LHFPL2: variants seen among roughly 807,000 people sequenced by gnomAD.
The protein encoded by LHFPL2 is LHFPL tetraspan subfamily member 2.
In LHFPL2, 7 loss-of-function variants were observed where a neutral mutation model predicts 17.5. The ratio of observed to expected loss-of-function variants is 0.40; its 90% confidence interval spans 0.23 to 0.75. The LOEUF is 0.75. LHFPL2 is among the 30% of genes least tolerant of loss of function. LHFPL2 has a pLI of 0.37. For missense variants in LHFPL2, 241 were observed against 294.8 expected (o/e 0.82, Z 1.34); for synonymous variants, 134 against 116.2 (o/e 1.15, Z -0.99).
intron 4 of LHFPL2, among the ~76,000 whole-genome samples, chr5:78,504,738 G>A (rs1459120486): frequency 1.3e-5 from 2 of 152,114 alleles, no homozygotes; most frequent in African/African-American, 4.8e-5. Flanking sequence ...CAAGAAGGCT[G>A]AGCCTGCATA....
chr5:78,576,611 G>A (rs1266093221), intron 2 of LHFPL2, among the ~76,000 whole-genome samples: 2 of 152,218 alleles, frequency 1.3e-5, no homozygotes, highest in African/African-American at 4.8e-5. Context: ...AGGCCCCAGG[G>A]ACACTGGAAA....
At chr5:78,562,147 C>T (rs773173701) in intron 3 of LHFPL2, among the ~76,000 whole-genome samples, 3 of 152,214 alleles carry the variant, frequency 2.0e-5, no homozygotes, top group Non-Finnish European at 2.9e-5. Flanking sequence ...CTGTTTACTA[C>T]GTATCACACG....
At chr5:78,536,666 A>G (rs1755958836) in intron 3 of LHFPL2, among the ~76,000 whole-genome samples, 1 of 152,190 alleles carries the variant, frequency 6.6e-6, no homozygotes, top group Non-Finnish European at 1.5e-5. Flanking sequence ...TTCATCAGCT[A>G]GCTCAGGGCT....
chr5:78,552,544 C>T (rs1178614027), intron 3 of LHFPL2, among the ~76,000 whole-genome samples: 1 of 152,210 alleles, frequency 6.6e-6, no homozygotes, highest in African/African-American at 2.4e-5. Flanking sequence ...AAACCTGATG[C>T]CAACTTATTC....
intron 2 of LHFPL2, among the ~76,000 whole-genome samples, chr5:78,611,812 T>G (rs1744432235): frequency 6.6e-6 from 1 of 152,150 alleles, no homozygotes; most frequent in Non-Finnish European, 1.5e-5. Context: ...AGCACAAACT[T>G]TTTTTACAGA....
intron 3 of LHFPL2, among the ~76,000 whole-genome samples, chr5:78,525,115 C>T (rs1755578533): frequency 1.3e-5 from 2 of 152,210 alleles, no homozygotes; most frequent in African/African-American, 4.8e-5. Flanking sequence ...AGCGCGCTCT[C>T]AGTCGTGGCC....
intron 4 of LHFPL2, among the ~76,000 whole-genome samples, chr5:78,496,075 C>CACCTCCA (rs1293415546): frequency 1.3e-5 from 2 of 152,178 alleles, no homozygotes; most frequent in Non-Finnish European, 2.9e-5. Flanking sequence ...GTTGTGTTCC[C>CACCTCCA]ACCTCCAACG....
rs532891071 is a variant in LHFPL2 at position 78,576,202 on chromosome 5, G to A, written c.-244-11331C>T. 3.3e-5 allele frequency among the ~76,000 whole-genome samples: 5 copies of A among 152,248 alleles called. No homozygotes were observed. In the South Asian group the frequency reaches 6.2e-4, roughly 19 times the overall value. ...CCCAGCTACTCCGGAGGCTGAGGCA[G>A]GAGAATGGCGTGAGCCCGGGAGGCG... On this transcript the variant is annotated intron_variant, in intron 2 of 4. Coordinates refer to ENST00000380345, the MANE Select transcript of LHFPL2 (RefSeq NM_005779.3).
In LHFPL2 at chr5:78,582,498, T is replaced by C. The variant is rs1310221452; in HGVS notation, c.-244-17627A>G. ...CTGGTATGTTGTGTCTTTGTTCTCG[T>C]TGGTTTCAAAGAACATCTTTATTTG... On this transcript the variant is annotated intron_variant, in intron 2 of 4. Coordinates refer to ENST00000380345, the MANE Select transcript of LHFPL2 (RefSeq NM_005779.3). 9.2e-5 allele frequency among the ~76,000 whole-genome samples: 14 copies of C among 151,602 alleles called. No homozygotes were observed. The East Asian group carries it at 1.4e-3, about 15-fold the overall frequency.
chr5:78,545,623 C>A lies in LHFPL2; in HGVS notation c.-186+19190G>T, dbSNP rs570945552. On this transcript the variant is annotated intron_variant, in intron 3 of 4. Transcript: ENST00000380345. ...AAAGACTTGGTGTGATGCGTGGAGG[C>A]CGATCATTCGAGCCACCTGGATGTG... Among the ~76,000 whole-genome samples, 4 of 152,312 alleles carry A rather than the reference C, an allele frequency of 2.6e-5. No homozygotes were observed. The East Asian group carries it at 7.7e-4, about 29-fold the overall frequency.
chr5:78,597,494 G>A (rs1743865824), intron 2 of LHFPL2, among the ~76,000 whole-genome samples: 1 of 152,176 alleles, frequency 6.6e-6, no homozygotes, highest in South Asian at 2.1e-4. Context: ...GTGTGTCTCA[G>A]AGTAGAATGA....
chr5:78,506,984 C>T (rs1754951457), intron 4 of LHFPL2, among the ~76,000 whole-genome samples: 2 of 152,196 alleles, frequency 1.3e-5, no homozygotes, highest in South Asian at 4.1e-4. Context: ...GCTCCCACTT[C>T]TTTCTCCTCA....
chr5:78,530,696 T>G (rs906136240), intron 3 of LHFPL2, among the ~76,000 whole-genome samples: 4 of 152,214 alleles, frequency 2.6e-5, no homozygotes, highest in Admixed American at 1.3e-4. Context: ...CATAAGACTC[T>G]GACCACACAG....
intron 3 of LHFPL2, among the ~76,000 whole-genome samples, chr5:78,559,739 C>T (rs1273628121): frequency 1.3e-5 from 2 of 152,196 alleles, no homozygotes; most frequent in East Asian, 1.9e-4. Flanking sequence ...TTAATAAATG[C>T]TTCCTATACC....
At chr5:78,614,499 A>G (rs1744530014) in intron 2 of LHFPL2, among the ~76,000 whole-genome samples, 1 of 152,248 alleles carries the variant, frequency 6.6e-6, no homozygotes, top group Non-Finnish European at 1.5e-5. Flanking sequence ...AAACTGATAC[A>G]AGTGGTTCTC....
In LHFPL2 at chr5:78,487,196, G is replaced by GAGAAGATGGTTTCTCA. The variant is rs1754276649; in HGVS notation, c.*1685_*1700dup. On this transcript the variant is annotated 3_prime_UTR_variant, in exon 5 of 5. Coordinates refer to ENST00000380345, the MANE Select transcript of LHFPL2 (RefSeq NM_005779.3). ...CTTTTGCCCTTAGCCCTTAATCTGT[G>GAGAAGATGGTTTCTCA]AGAAGATGGTTTCTCATATAGGCCA... is the stretch of plus-strand genomic sequence containing the variant. 3.9e-5 allele frequency: 6 copies of GAGAAGATGGTTTCTCA among 152,126 alleles called. No homozygotes were observed. Among genetic ancestry groups the GAGAAGATGGTTTCTCA allele is most frequent in the Admixed American group, 2.6e-4 (4 of 15,260 alleles). The allele number at this position is 152,126 out of a possible 1,614,324, so 9.4% of individuals were successfully genotyped here.
rs375987886 is a variant in LHFPL2 at position 78,506,550 on chromosome 5, G to A, written c.430+3234C>T. ...CAGAGGCTATCACAGATTGGCCAAC[G>A]GGAGAAAGCAAGCCAGCCCTTTCAG... On this transcript the variant is annotated intron_variant, in intron 4 of 4. Transcript: ENST00000380345. 3.9e-5 allele frequency among the ~76,000 whole-genome samples: 6 copies of A among 152,300 alleles called. No individual in the cohort carries two copies. In the South Asian group the frequency reaches 8.3e-4, roughly 21 times the overall value.
intron 3 of LHFPL2, among the ~76,000 whole-genome samples, chr5:78,554,165 AACTTAC>A (rs1266816292): frequency 6.6e-6 from 1 of 152,224 alleles, no homozygotes; most frequent in East Asian, 1.9e-4. Context: ...CAGTGTTGAA[AACTTAC>A]GACAGTGCAA....
chr5:78,516,420 T>A (rs1755293258), intron 3 of LHFPL2, among the ~76,000 whole-genome samples: 1 of 152,196 alleles, frequency 6.6e-6, no homozygotes, highest in Non-Finnish European at 1.5e-5. Context: ...CGTTTGGCAA[T>A]GTCTGAAGGC....
Sources: gnomAD v4.1 joint callset for allele counts (sites outside exome capture counted in the v4.1 genomes callset) on GRCh38, gnomAD v4.1.1 for gene constraint, MANE v1.5 for transcripts, NCBI Gene and HGNC (gene_info 2026-07-23, HGNC 2026-07-21) for gene names.